The following COLEC10 variants were observed in gnomAD, a reference collection of about 807,000 sequenced individuals.
COLEC10 encodes collectin subfamily member 10, also known as collectin-10.
A neutral mutation model predicts 28.4 loss-of-function variants in COLEC10; 22 were observed. That is an observed-to-expected ratio of 0.78 (90% CI 0.55 to 1.11). The LOEUF is 1.11. Among genes scored for constraint, COLEC10 ranks in the 50% least tolerant of loss-of-function variants. The pLI is 0.00. For synonymous variants in COLEC10, 125 were observed against 116.1 expected (o/e 1.08, Z -0.49); for missense variants, 361 against 344.1 (o/e 1.05, Z -0.39).
intron 2 of COLEC10, among the ~76,000 whole-genome samples, chr8:119,043,496 T>C (rs1250822771): frequency 1.3e-5 from 2 of 152,228 alleles, no homozygotes; most frequent in Admixed American, 6.5e-5. Context: ...GTAGAGTTTC[T>C]TGAAAAACAC....
chr8:119,069,627 AAAATATATAT>A (rs1815056285), intron 1 of COLEC10, among the ~76,000 whole-genome samples: 1 of 45,170 alleles, frequency 2.2e-5, no homozygotes, highest in Non-Finnish European at 3.9e-5. Context: ...AAAAAAAAAA[AAAATATATAT>A]ATATATATAT....
chr8:119,079,705 C>CA lies in COLEC10; in HGVS notation c.149-9968dup, dbSNP rs1401941047. On this transcript the variant is annotated intron_variant, in intron 1 of 5. Coordinates refer to ENST00000332843, the MANE Select transcript of COLEC10 (RefSeq NM_006438.5). ...TTAAGCCAAATAAGCTTGAAAACGACAAAAAAAGATACTTTGTAATTCAGA... is the reference window on the plus strand; with the variant it reads ...TTAAGCCAAATAAGCTTGAAAACGACAAAAAAAAGATACTTTGTAATTCAGA... 3.6e-5 allele frequency among the ~76,000 whole-genome samples: 5 copies of CA among 138,222 alleles called. No homozygotes were observed. The South Asian group carries it at 6.9e-4, about 19-fold the overall frequency. The allele number at this position is 138,222 out of a possible 152,430, so 90.7% of individuals were successfully genotyped here. A position where few individuals can be genotyped will look rare whatever the true frequency, so the allele number is the denominator to read the frequency against.
intron 2 of COLEC10, among the ~76,000 whole-genome samples, chr8:119,035,308 T>A (rs1473119273): frequency 1.3e-5 from 2 of 152,072 alleles, no homozygotes; most frequent in Non-Finnish European, 2.9e-5. Context: ...TGATTATTTG[T>A]GAAAAGCCGA....
chr8:119,102,231 C>A, intron 3 of COLEC10, 117 bp from the exon 4 acceptor site: 1 of 306,644 alleles, frequency 3.3e-6, no homozygotes, highest in Non-Finnish European at 6.2e-6. Flanking sequence ...TCCCTCCCTC[C>A]CTCCCTCCCT....
At chr8:119,098,173 C>T (rs1815757572) in intron 3 of COLEC10, among the ~76,000 whole-genome samples, 1 of 151,958 alleles carries the variant, frequency 6.6e-6, no homozygotes, top group African/African-American at 2.4e-5. Flanking sequence ...ATGTGTAAGT[C>T]TTGATGGGAT....
At chr8:119,094,666 G>A (rs1390172720) in intron 3 of COLEC10, among the ~76,000 whole-genome samples, 1 of 152,138 alleles carries the variant, frequency 6.6e-6, no homozygotes, top group Non-Finnish European at 1.5e-5. Context: ...TAAGAGGCTT[G>A]AGCAGAAAGT....
chr8:119,019,926 T>C (rs1346301645), intron 2 of COLEC10, among the ~76,000 whole-genome samples: 1 of 152,138 alleles, frequency 6.6e-6, no homozygotes, highest in Non-Finnish European at 1.5e-5. Context: ...AGAATTTACT[T>C]TTGAAGAAAA....
chr8:119,084,555 T>C (rs370566468), intron 1 of COLEC10, among the ~76,000 whole-genome samples: 28 of 152,348 alleles, frequency 1.8e-4, no homozygotes, highest in Admixed American at 5.9e-4. Context: ...TTGTATGAGA[T>C]TGTATATAGC....
At chr8:119,082,239 A>G (rs1385491) in intron 1 of COLEC10, among the ~76,000 whole-genome samples, 104,044 of 151,992 alleles carry the variant, frequency 0.68, 36,473 homozygotes, top group African/African-American at 0.83. Flanking sequence ...TGTATTTGCC[A>G]CCTGGGCTGC....
chr8:119,060,706 A>T (rs1443492274), intron 2 of COLEC10, among the ~76,000 whole-genome samples: 1 of 152,146 alleles, frequency 6.6e-6, no homozygotes, highest in Non-Finnish European at 1.5e-5. Context: ...GCAGAGATGC[A>T]GGTAATGAGA....
chr8:119,031,948 A>T (rs188561924), intron 2 of COLEC10, among the ~76,000 whole-genome samples: 82 of 152,306 alleles, frequency 5.4e-4, no homozygotes, highest in Middle Eastern at 3.4e-3. Flanking sequence ...TGTAGCAAGC[A>T]TTGCACTAAG....
chr8:119,023,388 G>C (rs1185825476), intron 2 of COLEC10, among the ~76,000 whole-genome samples: 1 of 152,082 alleles, frequency 6.6e-6, no homozygotes, highest in Non-Finnish European at 1.5e-5. Flanking sequence ...TTTTGAGAGT[G>C]ACAATTTCAA....
chr8:119,015,201 G>A (rs184568512), intron 2 of COLEC10, among the ~76,000 whole-genome samples: 8 of 151,082 alleles, frequency 5.3e-5, no homozygotes, highest in Admixed American at 1.3e-4. Context: ...TAGTAATGTG[G>A]TGATATGGTG....
intron 2 of COLEC10, among the ~76,000 whole-genome samples, chr8:119,011,105 T>C (rs1187189461): frequency 2.0e-5 from 3 of 151,108 alleles, no homozygotes; most frequent in Non-Finnish European, 4.4e-5. Context: ...TCTTGAAGTT[T>C]TATAGTCTAC....
intron 1 of COLEC10, among the ~76,000 whole-genome samples, chr8:119,001,847 A>C (rs1380650238): frequency 6.6e-6 from 1 of 152,202 alleles, no homozygotes; most frequent in Non-Finnish European, 1.5e-5. Context: ...AAAAAGAATA[A>C]TCTGTAATTC....
At chr8:119,039,488 G>A (rs920741252) in intron 2 of COLEC10, among the ~76,000 whole-genome samples, 9 of 152,154 alleles carry the variant, frequency 5.9e-5, no homozygotes, top group East Asian at 3.9e-4. Context: ...GGCATAGTGC[G>A]TGGCTCATAG....
At chr8:118,987,393 G>A in the COLEC10 span, among the ~76,000 whole-genome samples, 1 of 152,024 alleles carries the variant, frequency 6.6e-6, no homozygotes, top group Middle Eastern at 3.2e-3. Flanking sequence ...GCAAAACCCT[G>A]TCTCTACTGA....
chr8:119,063,807 T>C (rs994979030), upstream of COLEC10, among the ~76,000 whole-genome samples: 2 of 152,062 alleles, frequency 1.3e-5, no homozygotes, highest in South Asian at 2.1e-4. Flanking sequence ...CATGTCATAT[T>C]TGGACAAACA....
the COLEC10 span, among the ~76,000 whole-genome samples, chr8:118,955,227 T>C: frequency 6.6e-6 from 1 of 152,226 alleles, no homozygotes; most frequent in Non-Finnish European, 1.5e-5. Context: ...TTTAACCATA[T>C]TAATATTTGA....
Sources: gnomAD v4.1 joint callset for allele counts (sites outside exome capture counted in the v4.1 genomes callset) on GRCh38, gnomAD v4.1.1 for gene constraint, MANE v1.5 for transcripts, NCBI Gene and HGNC (gene_info 2026-07-23, HGNC 2026-07-21) for gene names.